Variants in MID1 observed in about 807,000 individuals in gnomAD.
MID1 encodes the protein E3 ubiquitin-protein ligase Midline-1.
Under a neutral mutation model 40.4 loss-of-function variants are expected in MID1, and 7 were observed. The observed-to-expected ratio is 0.17, with a 90% confidence interval of 0.10 to 0.33. The LOEUF (loss-of-function observed/expected upper bound fraction) is 0.33, where lower values mean the gene tolerates loss of function less well. Among genes scored for constraint, MID1 ranks in the 10% least tolerant of loss-of-function variants. The pLI, the probability that MID1 is intolerant of heterozygous loss-of-function variation, is 1.00. For synonymous variants in MID1, 229 were observed against 221.2 expected (o/e 1.04, Z -0.31); for missense variants, 367 against 558.5 (o/e 0.66, Z 3.46).
Position 10,782,488 on chromosome X carries a change from G to A in MID1, c.-187+51066C>T, listed in dbSNP as rs1256378870. On this transcript the variant is annotated intron_variant, in intron 1 of 10. Coordinates refer to the MID1 transcript ENST00000380785. ...GCTATTACCAACAGCATGAAGTGCAGGATCCTCAGGCCGATATTCAGATTA... is the reference window on the plus strand; with the variant it reads ...GCTATTACCAACAGCATGAAGTGCAAGATCCTCAGGCCGATATTCAGATTA... 2.7e-5 allele frequency among the ~76,000 whole-genome samples: 3 copies of A among 111,802 alleles called. No individual in the cohort carries two copies. In the Admixed American group the frequency reaches 2.9e-4, roughly 11 times the overall value.
At chrX:10,712,988 C>T (rs760227257) in intron 1 of MID1, among the ~76,000 whole-genome samples, 1 of 110,920 alleles carries the variant, frequency 9.0e-6, no homozygotes, top group Non-Finnish European at 1.9e-5. Flanking sequence ...AGGCACGTGC[C>T]ACCACACCCG....
intron 9 of MID1, among the ~76,000 whole-genome samples, chrX:10,452,369 T>C (rs908800640): frequency 1.6e-4 from 18 of 112,150 alleles, no homozygotes; most frequent in Non-Finnish European, 3.0e-4. Context: ...CAAAGGAAAA[T>C]ACCATTATAG....
At chrX:10,473,468 T>A (rs185077379) in intron 6 of MID1, among the ~76,000 whole-genome samples, 53 of 112,249 alleles carry the variant, frequency 4.7e-4, no homozygotes, top group Non-Finnish European at 7.3e-4. Flanking sequence ...AAACGGCACA[T>A]TGGGTCCTCG....
chrX:10,633,542 C>T (rs912627282), intron 1 of MID1, among the ~76,000 whole-genome samples: 1 of 110,625 alleles, frequency 9.0e-6, no homozygotes, highest in Admixed American at 9.6e-5. Context: ...CAATCAACCT[C>T]CCAGGCCCAA....
At chrX:10,615,469 A>G (rs778308803) in intron 1 of MID1, among the ~76,000 whole-genome samples, 4 of 112,528 alleles carry the variant, frequency 3.6e-5, no homozygotes, top group African/African-American at 1.3e-4. Context: ...GACCTTCAAC[A>G]TCCACTTGTA....
At chrX:10,569,979 C>G (rs909915958) in intron 1 of MID1, among the ~76,000 whole-genome samples, 2 of 111,843 alleles carry the variant, frequency 1.8e-5, no homozygotes, top group African/African-American at 6.5e-5. Flanking sequence ...CTGCCCTTCC[C>G]CCTATAGTCT....
intron 3 of MID1, among the ~76,000 whole-genome samples, chrX:10,496,028 TAA>T (rs1398785109): frequency 8.9e-6 from 1 of 111,880 alleles, no homozygotes; most frequent in African/African-American, 3.3e-5. Context: ...TTTATATTTT[TAA>T]AAAGTATCAA....
At chrX:10,476,287 C>CTTGA (rs1325694017) in intron 5 of MID1, among the ~76,000 whole-genome samples, 1 of 110,882 alleles carries the variant, frequency 9.0e-6, no homozygotes. Flanking sequence ...TGTTTTGGAA[C>CTTGA]TTGATAGAGG....
intron 1 of MID1, among the ~76,000 whole-genome samples, chrX:10,818,390 G>A (rs1028376447): frequency 8.9e-6 from 1 of 112,667 alleles, no homozygotes; most frequent in Non-Finnish European, 1.9e-5. Flanking sequence ...AAGGCATAAA[G>A]CTGTCAATTA....
At chrX:10,746,544 C>T (rs1208866071) in intron 1 of MID1, among the ~76,000 whole-genome samples, 1 of 111,786 alleles carries the variant, frequency 8.9e-6, no homozygotes, top group Non-Finnish European at 1.9e-5. Flanking sequence ...GGAGTCTTTT[C>T]TGAAGATTTT....
At chrX:10,543,602 G>C (rs747501956) in intron 2 of MID1, among the ~76,000 whole-genome samples, 135 of 111,157 alleles carry the variant, frequency 1.2e-3, no homozygotes, top group South Asian at 3.9e-3. Context: ...AAGCACTTTG[G>C]GGGGCTGAGG....
intron 5 of MID1, among the ~76,000 whole-genome samples, chrX:10,481,259 T>C (rs1930306502): frequency 9.0e-6 from 1 of 111,640 alleles, no homozygotes; most frequent in Non-Finnish European, 1.9e-5. Flanking sequence ...AGGATGAAGA[T>C]CAGCATGCAT....
At chrX:10,533,968 A>T (rs73477268) in intron 2 of MID1, among the ~76,000 whole-genome samples, 33,160 of 109,872 alleles carry the variant, frequency 0.3, 4,066 homozygotes, top group Non-Finnish European at 0.38. Flanking sequence ...GGAATTACTC[A>T]TTGATTGCTA....
intron 3 of MID1, among the ~76,000 whole-genome samples, chrX:10,502,383 C>T (rs191926069): frequency 1.6e-4 from 18 of 112,212 alleles, no homozygotes; most frequent in Admixed American, 3.8e-4. Context: ...CTTATTCGTA[C>T]ACAGACGGAA....
chrX:10,800,836 A>G (rs903349844), intron 1 of MID1, among the ~76,000 whole-genome samples: 2 of 112,226 alleles, frequency 1.8e-5, no homozygotes, highest in Non-Finnish European at 3.8e-5. Context: ...ATATAAATGA[A>G]CAAAGAGCAA....
chrX:10,666,730 C>T (rs904322316), intron 1 of MID1, among the ~76,000 whole-genome samples: 1 of 111,623 alleles, frequency 9.0e-6, no homozygotes, highest in Non-Finnish European at 1.9e-5. Context: ...AGAGGAAAGT[C>T]GAGGAGCTGG....
intron 1 of MID1, among the ~76,000 whole-genome samples, chrX:10,772,512 G>T (rs1203669816): frequency 9.2e-6 from 1 of 108,602 alleles, no homozygotes; most frequent in African/African-American, 3.4e-5. Flanking sequence ...CACCACTTGA[G>T]AACTTACTCA....
chrX:10,714,744 C>T lies in MID1; in HGVS notation c.-186-94325G>A, dbSNP rs769594112. 6.3e-5 allele frequency among the ~76,000 whole-genome samples: 7 copies of T among 111,833 alleles called. 1 individual carries two copies. The highest frequency in any genetic ancestry group is 5.7e-4 in the Admixed American group (6 of 10,531). On this transcript the variant is annotated intron_variant, in intron 1 of 10. Transcript: ENST00000380785. ...CGAAAAGAGAATGAAAATGAAGCAACGTCTGGTAGGGCTTGAAAATATTTT... is the reference window on the plus strand; with the variant it reads ...CGAAAAGAGAATGAAAATGAAGCAATGTCTGGTAGGGCTTGAAAATATTTT...
rs1363793566 is a variant in MID1 at position 10,591,125 on chromosome X, T to G, written c.-56-23522A>C. On this transcript the variant is annotated intron_variant, in intron 1 of 9. Coordinates refer to ENST00000317552, the MANE Select transcript of MID1 (RefSeq NM_000381.4). ...ATTCACTTACAAAAAAATCTAGCTT[T>G]AAGAACAGTGAGCTTTCAAGGTGGC... Among the ~76,000 whole-genome samples the G allele has an allele frequency of 2.7e-5, 3 of 112,216 alleles. No homozygotes were observed. In the East Asian group the frequency reaches 8.3e-4, roughly 31 times the overall value.
Sources: gnomAD v4.1 joint callset for allele counts (sites outside exome capture counted in the v4.1 genomes callset) on GRCh38, gnomAD v4.1.1 for gene constraint, MANE v1.5 for transcripts, NCBI Gene and HGNC (gene_info 2026-07-23, HGNC 2026-07-21) for gene names.